The following CHST11 variants were observed in gnomAD, a reference collection of about 807,000 sequenced individuals.
CHST11 encodes carbohydrate sulfotransferase 11, also known as C4S-1.
A neutral mutation model predicts 30.4 loss-of-function variants in CHST11; 9 were observed. The ratio of observed to expected loss-of-function variants is 0.30; its 90% CI spans 0.18 to 0.52. CHST11 has a LOEUF of 0.52. Among genes scored for constraint, CHST11 ranks in the 20% least tolerant of loss-of-function variants. The pLI is 0.97. For missense variants in CHST11, 348 were observed against 460.6 expected, an observed-to-expected ratio of 0.76 and a Z score of 2.24; for synonymous variants, 152 against 187.8, an observed-to-expected ratio of 0.81 and a Z score of 1.56.
At chr12:104,533,955 A>C (rs1220541741) in intron 1 of CHST11, among the ~76,000 whole-genome samples, 3 of 152,184 alleles carry the variant, frequency 2.0e-5, no homozygotes, top group Non-Finnish European at 4.4e-5. Flanking sequence ...TGAAACTAAA[A>C]TTTACCCCCA....
rs1335822725 is a variant in CHST11 at position 104,758,036 on chromosome 12, A to G, written c.*233A>G. 2 of 459,288 alleles carry G rather than the reference A, an allele frequency of 4.4e-6. No individual in the cohort carries two copies. The highest frequency in any genetic ancestry group is 7.7e-6 in the Non-Finnish European group (2 of 260,430). The allele number at this position is 459,288 out of a possible 1,614,324, so 28.5% of individuals were successfully genotyped here. A position where few individuals can be genotyped will look rare whatever the true frequency, so the allele number is the denominator to read the frequency against. On this transcript the variant is annotated 3_prime_UTR_variant, in exon 3 of 3. Coordinates refer to ENST00000303694, the MANE Select transcript of CHST11 (RefSeq NM_018413.6). ...AAGTGAATACTGCAACACTGTCTCAAAGGTTTCTTGTGTTCTGGTGAATTC... is the reference window on the plus strand; with the variant it reads ...AAGTGAATACTGCAACACTGTCTCAGAGGTTTCTTGTGTTCTGGTGAATTC...
intron 1 of CHST11, among the ~76,000 whole-genome samples, chr12:104,590,648 G>A (rs111604666): frequency 0.02 from 3,062 of 151,436 alleles, 95 homozygotes; most frequent in East Asian, 0.09. Context: ...CAGGCGGGGC[G>A]CAGTGGCTCA....
chr12:104,603,575 T>A (rs2038977036), intron 2 of CHST11, among the ~76,000 whole-genome samples: 1 of 152,232 alleles, frequency 6.6e-6, no homozygotes, highest in Admixed American at 6.5e-5. Context: ...TGTGCAACCC[T>A]GAATATATGA....
At chr12:104,746,276 A>T (rs561409044) in intron 2 of CHST11, among the ~76,000 whole-genome samples, 2 of 152,066 alleles carry the variant, frequency 1.3e-5, no homozygotes, top group South Asian at 4.1e-4. Context: ...TGAGTTTGTG[A>T]CTCTAACCCA....
At chr12:104,633,658 G>A (rs184059075) in intron 2 of CHST11, among the ~76,000 whole-genome samples, 56 of 151,926 alleles carry the variant, frequency 3.7e-4, no homozygotes, top group Non-Finnish European at 6.2e-4. Flanking sequence ...CAGGAGTTCC[G>A]CCTGCCTCGG....
chr12:104,459,898 T>G (rs1264371521), intron 1 of CHST11, among the ~76,000 whole-genome samples: 1 of 152,232 alleles, frequency 6.6e-6, no homozygotes, highest in African/African-American at 2.4e-5. Flanking sequence ...AATGTAGAAT[T>G]ACAGATAGTT....
intron 2 of CHST11, among the ~76,000 whole-genome samples, chr12:104,665,826 T>C (rs1466925322): frequency 7.3e-6 from 1 of 136,914 alleles, no homozygotes; most frequent in African/African-American, 2.7e-5. Flanking sequence ...TTTTTTTTTT[T>C]TTTTTTTTTT....
chr12:104,471,883 G>A (rs536254782), intron 1 of CHST11, among the ~76,000 whole-genome samples: 367 of 152,212 alleles, frequency 2.4e-3, no homozygotes, highest in Middle Eastern at 3.4e-3. Flanking sequence ...CTACTGTAAT[G>A]TATAGTGTAG....
intron 1 of CHST11, among the ~76,000 whole-genome samples, chr12:104,570,599 C>T (rs762635527): frequency 6.6e-6 from 1 of 152,076 alleles, no homozygotes; most frequent in Non-Finnish European, 1.5e-5. Context: ...ACACAAGATT[C>T]TTGCCTTCAA....
In CHST11 at chr12:104,457,207, C is replaced by G. The variant is rs1194483280; in HGVS notation, c.-205C>G. On this transcript the variant is annotated 5_prime_UTR_variant, in exon 1 of 3. Coordinates refer to ENST00000303694, the MANE Select transcript of CHST11 (RefSeq NM_018413.6). ...GCCAGCGGGTCCACGCATCTCAGCA[C>G]TTCCAGACCAACTCCGGCACCTTCC... 7.9e-6 allele frequency: 4 copies of G among 503,948 alleles called. No individual in the cohort carries two copies. Among genetic ancestry groups the G allele is most frequent in the Non-Finnish European group, 1.1e-5 (3 of 280,548 alleles). 31.2% of individuals were successfully genotyped at this position (503,948 alleles called of 1,614,324 possible).
chr12:104,540,801 G>A (rs2038278745), intron 1 of CHST11, among the ~76,000 whole-genome samples: 1 of 152,216 alleles, frequency 6.6e-6, no homozygotes, highest in Non-Finnish European at 1.5e-5. Context: ...GAGCCAGGGA[G>A]CATTTTGATG....
In CHST11 at chr12:104,714,130, A is replaced by G. The variant is rs559659093; in HGVS notation, c.205-42819A>G. On this transcript the variant is annotated intron_variant, in intron 2 of 2. Transcript: ENST00000303694. ...GTTGTACAAGCACATGGATGTTTAT[A>G]TATGTATCTCAAAGGTCAGAGCATG... is the stretch of plus-strand genomic sequence containing the variant. Among the ~76,000 whole-genome samples the G allele has an allele frequency of 7.9e-5, 12 of 152,316 alleles. No homozygotes were observed. The East Asian group carries it at 2.3e-3, about 29-fold the overall frequency.
intron 2 of CHST11, among the ~76,000 whole-genome samples, chr12:104,634,557 C>G (rs990522594): frequency 6.6e-6 from 1 of 152,190 alleles, no homozygotes; most frequent in Non-Finnish European, 1.5e-5. Context: ...AACCGCTCCT[C>G]GAGGGTCTCT....
At chr12:104,705,047 T>C (rs1592849152) in intron 2 of CHST11, among the ~76,000 whole-genome samples, 1 of 152,088 alleles carries the variant, frequency 6.6e-6, no homozygotes, top group Non-Finnish European at 1.5e-5. Flanking sequence ...AAACTCTCCT[T>C]CCCCTCAGAG....
At chr12:104,673,648 G>A (rs563202501) in intron 2 of CHST11, among the ~76,000 whole-genome samples, 1 of 152,318 alleles carries the variant, frequency 6.6e-6, no homozygotes, top group African/African-American at 2.4e-5. Flanking sequence ...ATCATTGGAA[G>A]CTACCCCAGG....
At chr12:104,669,686 C>T (rs376337707) in intron 2 of CHST11, among the ~76,000 whole-genome samples, 30 of 152,294 alleles carry the variant, frequency 2.0e-4, no homozygotes, top group East Asian at 1.9e-3. Context: ...GGTCAAGCTG[C>T]GCCCTGCAAA....
At chr12:104,635,188 G>A (rs577498362) in intron 2 of CHST11, among the ~76,000 whole-genome samples, 199 of 152,188 alleles carry the variant, frequency 1.3e-3, no homozygotes, top group Non-Finnish European at 1.2e-3. Context: ...GGTAACCCAC[G>A]AGGGGCCTCC....
intron 2 of CHST11, among the ~76,000 whole-genome samples, chr12:104,626,017 A>G (rs1218954442): frequency 1.3e-5 from 2 of 152,224 alleles, no homozygotes; most frequent in East Asian, 3.9e-4. Flanking sequence ...TTTCTTTTCA[A>G]ATGAGGAAAT....
chr12:104,480,374 G>A (rs2037608290), intron 1 of CHST11, among the ~76,000 whole-genome samples: 1 of 152,042 alleles, frequency 6.6e-6, no homozygotes, highest in African/African-American at 2.4e-5. Context: ...TCAGGAGTTT[G>A]AGACCAGCCT....
Sources: allele counts gnomAD v4.1 joint callset (sites outside exome capture counted in the v4.1 genomes callset), GRCh38; gene constraint gnomAD v4.1.1; transcripts MANE v1.5; gene names NCBI Gene and HGNC (gene_info 2026-07-23, HGNC 2026-07-21).